Variants in ADGRD1 observed in about 807,000 individuals in gnomAD.
The protein encoded by ADGRD1 is adhesion G protein-coupled receptor D1.
Under a neutral mutation model 113.4 loss-of-function variants are expected in ADGRD1, and 77 were observed. That is an observed-to-expected ratio of 0.68 (90% CI 0.57 to 0.82). The LOEUF is 0.82. ADGRD1 is among the 40% of genes least tolerant of loss of function. The probability of loss-of-function intolerance (pLI) is 0.00; values close to 1 mark genes in which losing one functional copy is unlikely to be tolerated. For missense variants in ADGRD1, 1,036 were observed against 1,139.1 expected (o/e 0.91, Z 1.30); for synonymous variants, 474 against 475.0 (o/e 1.00, Z 0.03).
At position 131,105,780 on chromosome 12, in the gene ADGRD1, G is replaced by A. The variant is rs201524753; in HGVS notation, c.1802G>A (p.Arg601His). ...TCCGTGAGCACCATCCGGAACCAGC[G>A]CTACCACATCCACGCCAACCTGTCC... The part of the protein sequence containing the change: ...LSSVSTIRNQ[R>H]YHIHANLSFA... Residue 601 changes from arginine to histidine, a missense_variant, in exon 17 of 25, where the codon CGC becomes CAC. Transcript: ENST00000261654. 39 of 1,601,378 alleles carry A rather than the reference G, an allele frequency of 2.4e-5. No homozygotes were observed. Among genetic ancestry groups the A allele is most frequent in the Middle Eastern group, 3.3e-4 (2 of 6,060 alleles).
In ADGRD1 at chr12:131,019,874, G is replaced by A. The variant is rs1250180407; in HGVS notation, c.1473+5534G>A. Among the ~76,000 whole-genome samples the A allele has an allele frequency of 2.6e-3, 159 of 60,286 alleles. 6 individuals are homozygous for A. The highest frequency in any genetic ancestry group is 6.9e-3 in the African/African-American group (144 of 20,846). 39.5% of individuals were successfully genotyped at this position (60,286 alleles called of 152,430 possible). On this transcript the variant is annotated intron_variant, in intron 13 of 24. Transcript: ENST00000261654. ...GCTCCGTCCAGGGCAGGGGGTGCTC[G>A]AGAGAGATATTCCAGGGGCAGGACC...
intron 9 of ADGRD1, among the ~76,000 whole-genome samples, chr12:131,001,208 A>AG (rs1458355709): frequency 9.8e-5 from 15 of 152,372 alleles, no homozygotes; most frequent in African/African-American, 3.6e-4. Context: ...ATTAAGGTGC[A>AG]GAAAAAAAGC....
intron 15 of ADGRD1, among the ~76,000 whole-genome samples, chr12:131,100,682 G>A (rs1459111823): frequency 6.6e-6 from 1 of 152,158 alleles, no homozygotes; most frequent in Non-Finnish European, 1.5e-5. Flanking sequence ...GTGGGTAGGT[G>A]TGGGTCTGGG....
In ADGRD1 at chr12:131,062,818, T is replaced by TA. The variant is rs922081745; in HGVS notation, c.1474-13974dup. 3.5e-4 allele frequency among the ~76,000 whole-genome samples: 53 copies of TA among 151,930 alleles called. 1 individual carries two copies. Among genetic ancestry groups the TA allele is most frequent in the African/African-American group, 8.9e-4 (37 of 41,490 alleles). On this transcript the variant is annotated intron_variant, in intron 13 of 24. Transcript: ENST00000261654. ...GTCACGTGGTAAATATATTTAATAT[T>TA]AAAAAAAAATCTTCCAAACTATTTT...
At chr12:131,045,799 C>T (rs1882639010) in intron 13 of ADGRD1, among the ~76,000 whole-genome samples, 1 of 152,162 alleles carries the variant, frequency 6.6e-6, no homozygotes, top group Admixed American at 6.5e-5. Context: ...GGGAGCTGCC[C>T]TGCGGTCCTC....
Position 131,057,521 on chromosome 12 carries a change from C to A in ADGRD1, c.1474-19280C>A, listed in dbSNP as rs1883977777. 6.6e-6 allele frequency among the ~76,000 whole-genome samples: 1 copy of A among 152,148 alleles called. No homozygotes were observed. The highest frequency in any genetic ancestry group is 1.5e-5 in the Non-Finnish European group (1 of 68,028). ...GAGCTAGTTCGTTCTGGAGGCTCAG[C>A]GGGAACGTCCACCCCTGCCTGTCTC... On this transcript the variant is annotated intron_variant, in intron 13 of 24. Transcript: ENST00000261654. The surrounding 1 kb of genome is among the most constrained non-coding windows in gnomAD (Gnocchi z 4.2).
intron 15 of ADGRD1, among the ~76,000 whole-genome samples, chr12:131,094,313 A>C (rs1593202269): frequency 6.6e-6 from 1 of 152,116 alleles, no homozygotes; most frequent in Non-Finnish European, 1.5e-5. Flanking sequence ...TGGCTACTGC[A>C]CCTGGGACTG....
chr12:131,042,193 A>G (rs1458687011), intron 13 of ADGRD1, among the ~76,000 whole-genome samples: 1 of 152,226 alleles, frequency 6.6e-6, no homozygotes, highest in Non-Finnish European at 1.5e-5. Flanking sequence ...AATTTTTAAA[A>G]TGTTAGCAAG....
chr12:131,046,404 T>TCAGTGCTC (rs1882782625), intron 13 of ADGRD1, among the ~76,000 whole-genome samples: 1 of 108,746 alleles, frequency 9.2e-6, no homozygotes, highest in African/African-American at 3.7e-5. Context: ...CTGGTCAGGG[T>TCAGTGCTC]CCTCCCTGGT....
intron 16 of ADGRD1, 51 bp downstream of exon 16, chr12:131,104,985 C>T: frequency 8.0e-7 from 1 of 1,252,260 alleles, no homozygotes; most frequent in Non-Finnish European, 1.1e-6. Flanking sequence ...CCTGCCTGCA[C>T]CCAGATCTCA....
chr12:130,966,514 A>G lies in ADGRD1; in HGVS notation c.155A>G (p.Asp52Gly), dbSNP rs763796399. The change falls in exon 3 of 25, where the codon GAT (aspartate) becomes GGT (glycine). Residue 52 changes from aspartate to glycine, a missense_variant. By Grantham distance (94) the Asp-to-Gly change is moderately conservative. Transcript: ENST00000261654. The surrounding 1 kb of genome is among the most constrained non-coding windows in gnomAD (Gnocchi z 4.6). ...ASHYWPLENV[D>G]GIHELQDTTG... is the part of the protein sequence containing the mutation. ...CATTACTGGCCACTGGAGAATGTGG[A>G]TGGGATCCATGAACTTCAGGATACA... is the stretch of plus-strand genomic sequence containing the variant. 6.2e-7 allele frequency: 1 copy of G among 1,611,252 alleles called. No homozygotes were observed. The highest frequency in any genetic ancestry group is 8.5e-7 in the Non-Finnish European group (1 of 1,177,414).
intron 15 of ADGRD1, among the ~76,000 whole-genome samples, chr12:131,103,937 G>A (rs111262457): frequency 1.3e-5 from 2 of 152,202 alleles, no homozygotes; most frequent in East Asian, 3.9e-4. Context: ...TTAGGAGCCC[G>A]GAGCCTCCTG....
At chr12:131,046,945 G>T (rs1463577601) in intron 13 of ADGRD1, among the ~76,000 whole-genome samples, 1 of 142,596 alleles carries the variant, frequency 7.0e-6, no homozygotes, top group Non-Finnish European at 1.5e-5. Flanking sequence ...TCCCTCCCTG[G>T]TCAGTGTCCT....
intron 13 of ADGRD1, among the ~76,000 whole-genome samples, chr12:131,046,734 CCCTCCCTGGGCAGTGT>C (rs1416500782): frequency 6.9e-6 from 1 of 144,782 alleles, no homozygotes; most frequent in East Asian, 2.1e-4. Context: ...GGTCAGTGCC[CCCTCCCTGGGCAGTGT>C]CCTCCCTGGT....
At chr12:130,981,857 A>G in intron 4 of ADGRD1, 27 bp from the exon 5 acceptor site, 1 of 1,565,288 alleles carries the variant, frequency 6.4e-7, no homozygotes, top group Non-Finnish European at 8.8e-7. Flanking sequence ...GCTCTCTGTG[A>G]ATAACTGATC....
chr12:131,031,761 C>G (rs1880782064), intron 13 of ADGRD1, among the ~76,000 whole-genome samples: 1 of 152,210 alleles, frequency 6.6e-6, no homozygotes. Context: ...CTTGTCTCCC[C>G]AAAACCTCAG....
In ADGRD1 at chr12:131,139,039, C is replaced by T. The variant is rs570456139; in HGVS notation, c.2530-129C>T. ...CCCAGGAGCATGGGGGCTCCCTTCT[C>T]TCTGCACCTTTCCTCCCGCAGGGAG... On this transcript the variant is annotated intron_variant, in intron 24 of 24. Transcript: ENST00000261654. 9.5e-5 allele frequency: 64 copies of T among 676,096 alleles called. 2 individuals carry two copies. In the South Asian group the frequency reaches 1.1e-3, roughly 12 times the overall value. The allele number at this position is 676,096 out of a possible 1,614,324, so 41.9% of individuals were successfully genotyped here.
intron 19 of ADGRD1, among the ~76,000 whole-genome samples, chr12:131,119,251 G>A (rs191707800): frequency 3.3e-5 from 5 of 152,336 alleles, no homozygotes; most frequent in African/African-American, 1.2e-4. Flanking sequence ...TAGTACAGAC[G>A]AATAGTGAAA....
At chr12:131,136,461 G>C (rs1951088758) in intron 22 of ADGRD1, among the ~76,000 whole-genome samples, 1 of 152,226 alleles carries the variant, frequency 6.6e-6, no homozygotes, top group Non-Finnish European at 1.5e-5. Flanking sequence ...AAGAAAGGCA[G>C]AGAGGTGGCC....
Sources: gnomAD v4.1 joint callset for allele counts (sites outside exome capture counted in the v4.1 genomes callset) on GRCh38, gnomAD v4.1.1 for gene constraint, Gnocchi (gnomAD v3.1) non-coding constraint, MANE v1.5 for transcripts, NCBI Gene and HGNC (gene_info 2026-07-23, HGNC 2026-07-21) for gene names.